MMP12: variants seen among roughly 807,000 people sequenced by gnomAD.
MMP12 encodes matrix metallopeptidase 12, also known as macrophage metalloelastase.
Under a neutral mutation model 45.2 loss-of-function variants are expected in MMP12, and 51 were observed. That is an observed-to-expected ratio of 1.13 (90% CI 0.90 to 1.42). The LOEUF (loss-of-function observed/expected upper bound fraction) is 1.42, where lower values mean the gene tolerates loss of function less well. MMP12 is among the 40% of genes most tolerant of loss of function. The pLI, the probability that MMP12 is intolerant of heterozygous loss-of-function variation, is 0.00. For synonymous variants in MMP12, 210 were observed against 193.3 expected, an observed-to-expected ratio of 1.09 and a Z score of -0.72; for missense variants, 530 against 570.8, an observed-to-expected ratio of 0.93 and a Z score of 0.73.
At chr11:102,868,671 A>C (rs1210384614) in intron 4 of MMP12, among the ~76,000 whole-genome samples, 1 of 152,220 alleles carries the variant, frequency 6.6e-6, no homozygotes, top group Non-Finnish European at 1.5e-5. Context: ...AAAGGAAGCC[A>C]CTGTGCTCTC....
In MMP12 at chr11:102,872,918, A is replaced by G. The variant is rs1555009597; in HGVS notation, c.297T>C (p.His99=). Reference sequence around the variant, plus strand: ...CGGGCCCCCCTGGCATTTCCCTGAAATGATGGACATCGGGGACTCCACATC... The same window carrying G: ...CGGGCCCCCCTGGCATTTCCCTGAAGTGATGGACATCGGGGACTCCACATC... The part of the protein sequence containing the change: ...APRCGVPDVH[H]FREMPGGPVW... The change falls in exon 2 of 10, where the codon CAT becomes CAC. Residue 99 remains histidine, a synonymous_variant. Coordinates refer to ENST00000571244, the MANE Select transcript of MMP12 (RefSeq NM_002426.6). 1 of 1,613,864 alleles carries G rather than the reference A, an allele frequency of 6.2e-7. No homozygotes were observed. The highest frequency in any genetic ancestry group is 1.7e-5 in the Admixed American group (1 of 60,004).
At chr11:102,872,027 G>C in intron 2 of MMP12, 75 bp from the exon 3 acceptor site, 4 of 1,404,942 alleles carry the variant, frequency 2.8e-6, no homozygotes, top group Non-Finnish European at 2.8e-6. Context: ...CTTCATTTTT[G>C]CTAGCACAAT....
intron 6 of MMP12, 95 bp downstream of exon 6, chr11:102,867,175 A>C (rs1203326423): frequency 3.1e-5 from 36 of 1,176,760 alleles, no homozygotes; most frequent in Non-Finnish European, 3.9e-5. Context: ...TACAAGTTTC[A>C]TCTACTTCAT....
At chr11:102,867,208 T>C in intron 6 of MMP12, 62 bp downstream of exon 6, 2 of 1,418,032 alleles carry the variant, frequency 1.4e-6, no homozygotes, top group Non-Finnish European at 1.9e-6. Context: ...TCCACTGTTT[T>C]CTGACAAAAA....
chr11:102,868,019 G>C lies in MMP12; in HGVS notation c.676C>G (p.Leu226Val). 1 of 1,604,950 alleles carries C rather than the reference G, an allele frequency of 6.2e-7. No individual in the cohort carries two copies. Among genetic ancestry groups the C allele is most frequent in the South Asian group, 1.1e-5 (1 of 88,818 alleles). Reference sequence around the variant, plus strand: ...GCCTTTGGATCACTAGAATGGCCAAGACCTAAGGAATGGCCAATCTCGTGA... The same window carrying C: ...GCCTTTGGATCACTAGAATGGCCAACACCTAAGGAATGGCCAATCTCGTGA... ...AVHEIGHSLG[L>V]GHSSDPKAVM... is the part of the protein sequence containing the mutation. Residue 226 changes from leucine (L) to valine (V), a missense_variant, in exon 5 of 10, where the codon CTT (leucine) becomes GTT (valine). Physicochemically the swap from Leu to Val is conservative, Grantham distance 32 (BLOSUM62 1). Transcript: ENST00000571244.
intron 9 of MMP12, 111 bp from the exon 10 acceptor site, chr11:102,863,311 G>T: frequency 1.6e-6 from 1 of 638,528 alleles, no homozygotes; most frequent in Non-Finnish European, 2.6e-6. Flanking sequence ...TGACCTATGG[G>T]CTGTGGTTCA....
At chr11:102,870,534 C>T (rs1431001537) in intron 4 of MMP12, among the ~76,000 whole-genome samples, 1 of 152,118 alleles carries the variant, frequency 6.6e-6, no homozygotes, top group Admixed American at 6.5e-5. Flanking sequence ...TGACTTTCTC[C>T]TCATTTACTT....
Position 102,863,105 on chromosome 11 carries a change from A to G in MMP12, c.1408T>C (p.Cys470Arg). The G allele has an allele frequency of 6.2e-7, 1 of 1,604,952 alleles. No homozygotes were observed. The highest frequency in any genetic ancestry group is 8.5e-7 in the Non-Finnish European group (1 of 1,174,494). The change falls in exon 10 of 10, where the codon TGT becomes CGT. Residue 470 changes from cysteine (C) to arginine (R), a missense_variant. By Grantham distance (180) the Cys-to-Arg change is radical. Transcript: ENST00000571244. ...AACCATTAATTACACCATTTCTAACAACCAAACCAGCTATTGCTTTTCAGT... is the reference window on the plus strand; with the variant it reads ...AACCATTAATTACACCATTTCTAACGACCAAACCAGCTATTGCTTTTCAGT... Reference protein sequence around the residue: ...KTLKSNSWFGC With the variant: ...KTLKSNSWFGR
In MMP12 at chr11:102,865,625, A is replaced by G. The variant is rs989007430; in HGVS notation, c.1205+151T>C. On this transcript the variant is annotated intron_variant, in intron 8 of 9. Coordinates refer to ENST00000571244, the MANE Select transcript of MMP12 (RefSeq NM_002426.6). The surrounding 1 kb of genome is among the most constrained non-coding windows in gnomAD (Gnocchi z 4.1). ...AAAAACACAAAGAACTAAGTTGACA[A>G]TAACTATTTCAGTCCTATATTCTCT... 5 of 519,076 alleles carry G rather than the reference A, an allele frequency of 9.6e-6. No individual in the cohort carries two copies. The highest frequency in any genetic ancestry group is 5.4e-5 in the South Asian group (1 of 18,388). The allele number at this position is 519,076 out of a possible 1,614,324, so 32.2% of individuals were successfully genotyped here. A position where few individuals can be genotyped will look rare whatever the true frequency, so the allele number is the denominator to read the frequency against.
Position 102,868,041 on chromosome 11 carries a change from G to T in MMP12, c.654C>A (p.His218Gln), listed in dbSNP as rs782260566. The change falls in exon 5 of 10, where the codon CAC becomes CAA. Residue 218 changes from histidine to glutamine, a missense_variant. By Grantham distance (24) the His-to-Gln change is conservative (BLOSUM62 0). Coordinates refer to ENST00000571244, the MANE Select transcript of MMP12 (RefSeq NM_002426.6). ...GGTNLFLTAV[H>Q]EIGHSLGLGH... Reference sequence around the variant, plus strand: ...CAAGACCTAAGGAATGGCCAATCTCGTGAACAGCAGTGAGGAACAAGTTTG... The same window carrying T: ...CAAGACCTAAGGAATGGCCAATCTCTTGAACAGCAGTGAGGAACAAGTTTG... 2 of 1,599,502 alleles carry T rather than the reference G, an allele frequency of 1.3e-6. No homozygotes were observed. Among genetic ancestry groups the T allele is most frequent in the South Asian group, 2.3e-5 (2 of 87,950 alleles).
Position 102,864,196 on chromosome 11 carries a change from T to A in MMP12, c.1262A>T (p.Asn421Ile). The A allele has an allele frequency of 6.2e-7, 1 of 1,613,898 alleles. No homozygotes were observed. Among genetic ancestry groups the A allele is most frequent in the Non-Finnish European group, 8.5e-7 (1 of 1,179,840 alleles). ...AATTTTAGGCCCGATTCCTTGGAAG[T>A]TCTTGGTAATCAGTTTGGGATAACC... ...DPGYPKLITK[N>I]FQGIGPKIDA... Residue 421 changes from asparagine (N) to isoleucine (I), a missense_variant, in exon 9 of 10, where the codon AAC becomes ATC. Transcript: ENST00000571244.
At chr11:102,869,947 A>C (rs1859463395) in intron 4 of MMP12, among the ~76,000 whole-genome samples, 1 of 152,186 alleles carries the variant, frequency 6.6e-6, no homozygotes, top group African/African-American at 2.4e-5. Flanking sequence ...CAACAACAAC[A>C]ACAACAAAAA....
chr11:102,866,377 A>C lies in MMP12; in HGVS notation c.983T>G (p.Leu328Trp). 1.9e-6 allele frequency: 3 copies of C among 1,605,816 alleles called. No individual in the cohort carries two copies. Among genetic ancestry groups the C allele is most frequent in the Admixed American group, 1.7e-5 (1 of 58,744 alleles). Residue 328 changes from leucine to tryptophan, a missense_variant, in exon 7 of 10, where the codon TTG becomes TGG. Leu to Trp is a moderately conservative substitution (Grantham distance 61, BLOSUM62 -2). Transcript: ENST00000571244. The stretch of plus-strand genomic sequence containing the variant: ...ATAAGCAGCTTCAATGCCAGATGGC[A>C]AGGTTGGCCATAAGGAAGAAATTAA... ...VNLISSLWPT[L>W]PSGIEAAYEI... is the part of the protein sequence containing the mutation.
At chr11:102,864,097 G>T in intron 9 of MMP12, 49 bp downstream of exon 9, 1 of 1,341,286 alleles carries the variant, frequency 7.5e-7, no homozygotes, top group Non-Finnish European at 1.1e-6. Flanking sequence ...AGGATTTATA[G>T]CTTTGAAATG....
intron 4 of MMP12, among the ~76,000 whole-genome samples, chr11:102,869,029 C>T (rs757389355): frequency 6.6e-6 from 1 of 152,016 alleles, no homozygotes; most frequent in Non-Finnish European, 1.5e-5. Context: ...GTGTTATGTC[C>T]TAGAGAATGC....
rs1555009374 is a variant in MMP12, at chr11:102,871,716, T to G, written c.503A>C (p.His168Pro). The G allele has an allele frequency of 6.2e-7, 1 of 1,611,854 alleles. No homozygotes were observed. Among genetic ancestry groups the G allele is most frequent in the East Asian group, 2.2e-5 (1 of 44,836 alleles). Reference protein sequence around the residue: ...DILVVFARGAHGDFHAFDGKG... With the variant: ...DILVVFARGAPGDFHAFDGKG... ...GCCATCAAAAGCATGGAAGTCTCCA[T>G]GAGCTTTTGGAAAAGGAAAGAAAAT... Residue 168 changes from histidine (H) to proline (P), a missense_variant, in exon 4 of 10, where the codon CAT (histidine) becomes CCT (proline). Transcript: ENST00000571244.
Position 102,871,610 on chromosome 11 carries a change from C to A in MMP12, c.609G>T (p.Trp203Cys). 1.3e-6 allele frequency: 2 copies of A among 1,555,146 alleles called. No homozygotes were observed. The highest frequency in any genetic ancestry group is 1.7e-6 in the Non-Finnish European group (2 of 1,148,600). Residue 203 changes from tryptophan (W) to cysteine (C), a missense_variant, in exon 4 of 10, where the codon TGG becomes TGT. Transcript: ENST00000571244. ...GDAHFDEDEF[W>C]TTHSGGTNLF... Reference sequence around the variant, plus strand: ...TTTGCCCACCTCCTGAATGTGTAGTCCAGAATTCGTCCTCATCGAAATGTG... The same window carrying A: ...TTTGCCCACCTCCTGAATGTGTAGTACAGAATTCGTCCTCATCGAAATGTG...
At chr11:102,864,358 G>T in intron 8 of MMP12, 106 bp from the exon 9 acceptor site, 1 of 745,954 alleles carries the variant, frequency 1.3e-6, no homozygotes, top group Non-Finnish European at 2.3e-6. Flanking sequence ...AAGGACTTAA[G>T]TTGCTCTGAT....
rs28381672 is a variant in MMP12, at chr11:102,870,641, C to T, written c.625+953G>A. On this transcript the variant is annotated intron_variant, in intron 4 of 9. Transcript: ENST00000571244. The stretch of plus-strand genomic sequence containing the variant: ...GGGTTTTCCCATGCTAGTGATTCCT[C>T]TAAATAACAGGGGAGTTTAATTAAC... Among the ~76,000 whole-genome samples, 1,380 of 152,218 alleles carry T rather than the reference C, an allele frequency of 9.1e-3. 22 individuals are homozygous for T. Among genetic ancestry groups the T allele is most frequent in the African/African-American group, 0.031 (1,305 of 41,540 alleles).
Sources: allele counts gnomAD v4.1 joint callset (sites outside exome capture counted in the v4.1 genomes callset), GRCh38; gene constraint gnomAD v4.1.1; non-coding constraint Gnocchi (gnomAD v3.1); transcripts MANE v1.5; gene names NCBI Gene and HGNC (gene_info 2026-07-23, HGNC 2026-07-21).